RPP40: variants seen among roughly 807,000 people sequenced by gnomAD.
The protein encoded by RPP40 is ribonuclease P/MRP subunit p40.
A neutral mutation model predicts 42.5 loss-of-function variants in RPP40; 30 were observed. The observed-to-expected ratio is 0.71, with a 90% confidence interval of 0.53 to 0.96. RPP40 has a LOEUF of 0.96. Ranked by LOEUF, RPP40 falls within the 40% of genes least tolerant of loss-of-function variation. RPP40 has a pLI of 0.00. For synonymous variants in RPP40, 173 were observed against 164.0 expected, an observed-to-expected ratio of 1.05 and a Z score of -0.42; for missense variants, 426 against 433.5, an observed-to-expected ratio of 0.98 and a Z score of 0.15.
At position 4,996,122 on chromosome 6, in the gene RPP40, A is replaced by G. The variant is rs141582732; in HGVS notation, c.759-37T>C. On this transcript the variant is annotated intron_variant, in intron 6 of 7. Coordinates refer to ENST00000380051, the MANE Select transcript of RPP40 (RefSeq NM_006638.4). ...AAAATAAAAGAGAGAGAGATAACAC[A>G]TGTATATCCATCACATGATCACTTC... 189 of 1,610,348 alleles carry G rather than the reference A, an allele frequency of 1.2e-4. No homozygotes were observed. In the African/African-American group the frequency reaches 2.3e-3, roughly 20 times the overall value.
chr6:4,999,939 AAACTAG>A (rs775238223), intron 3 of RPP40, 35 bp from the exon 4 acceptor site: 71 of 1,274,746 alleles, frequency 5.6e-5, no homozygotes, highest in Admixed American at 1.8e-5. Flanking sequence ...TAAGATACCA[AAACTAG>A]AACTTACGTT....
downstream of RPP40, among the ~76,000 whole-genome samples, chr6:4,991,239 G>A (rs369447718): frequency 5.2e-4 from 79 of 151,808 alleles, 1 homozygote; most frequent in South Asian, 0.016. Flanking sequence ...ATTTAATTCC[G>A]TTGTGGCCAG....
chr6:5,000,824 G>A (rs1759530131), intron 2 of RPP40, among the ~76,000 whole-genome samples, 193 bp from the exon 3 acceptor site: 1 of 151,852 alleles, frequency 6.6e-6, no homozygotes. Flanking sequence ...GCATGCAGAA[G>A]ACCAAGCATG....
In RPP40 at chr6:5,000,512, G is replaced by C. The variant is rs760106054; in HGVS notation, c.337+51C>G. The C allele has an allele frequency of 7.2e-6, 6 of 836,550 alleles. No homozygotes were observed. In the East Asian group the frequency reaches 1.7e-4, roughly 24 times the overall value. 51.8% of individuals were successfully genotyped at this position (836,550 alleles called of 1,614,324 possible). On this transcript the variant is annotated intron_variant, in intron 3 of 7. Transcript: ENST00000380051. ...TGACTTTTTTTTTTTTTTTTTTACA[G>C]TATGCATTTTTTTTTAACAATTAAA...
rs1759391394 is a variant in RPP40, at chr6:4,996,564, C to A, written c.560-144G>T. 9.9e-6 allele frequency: 7 copies of A among 705,086 alleles called. No individual in the cohort carries two copies. The South Asian group carries it at 1.1e-4, about 11-fold the overall frequency. 43.7% of individuals were successfully genotyped at this position (705,086 alleles called of 1,614,324 possible). A position where few individuals can be genotyped will look rare whatever the true frequency, so the allele number is the denominator to read the frequency against. On this transcript the variant is annotated intron_variant, in intron 5 of 7. Transcript: ENST00000380051. ...TGCAGAGCTGCATTCAAATTAAAATCATTTAAAGCTGCTTTCAGCTCCTTT... is the reference window on the plus strand; with the variant it reads ...TGCAGAGCTGCATTCAAATTAAAATAATTTAAAGCTGCTTTCAGCTCCTTT...
intron 2 of RPP40, chr6:5,001,837 T>C: frequency 3.1e-6 from 1 of 323,466 alleles, no homozygotes; most frequent in Non-Finnish European, 5.7e-6. Flanking sequence ...TCCTCTCCAT[T>C]AATCCTCATT....
rs1357955684 is a variant in RPP40, at chr6:4,998,852, G to A, written c.434-11C>T. The stretch of plus-strand genomic sequence containing the variant: ...AATCAATGGAAACAACTTTAAAAAT[G>A]AAAAAAAGAACATATATTTCATTCA... On this transcript the variant is annotated splice_polypyrimidine_tract_variant and intron_variant, in intron 4 of 7. Transcript: ENST00000380051. The A allele has an allele frequency of 6.6e-6, 9 of 1,371,972 alleles. No homozygotes were observed. The East Asian group carries it at 7.3e-5, about 11-fold the overall frequency. The allele number at this position is 1,371,972 out of a possible 1,614,324, so 85.0% of individuals were successfully genotyped here.
intron 2 of RPP40, among the ~76,000 whole-genome samples, chr6:5,001,619 G>C (rs987206977): frequency 6.6e-6 from 1 of 152,176 alleles, no homozygotes; most frequent in Non-Finnish European, 1.5e-5. Context: ...GATATGGGTG[G>C]AAATGGGGTG....
In RPP40 at chr6:5,003,986, C is replaced by A. The variant is rs776679398; in HGVS notation, c.17G>T (p.Arg6Leu). MATLR[R>L]LREAPRHLLV... ...TAAGTGCCGCGGCGCCTCCCGAAGC[C>A]GGCGCAGCGTGGCCATGCTCTCCTG... is the stretch of plus-strand genomic sequence containing the variant. Residue 6 changes from arginine (R) to leucine (L), a missense_variant, in exon 1 of 8, where the codon CGG becomes CTG. Arg to Leu is a moderately radical substitution (Grantham distance 102). Transcript: ENST00000380051. The A allele has an allele frequency of 6.2e-7, 1 of 1,610,692 alleles. No individual in the cohort carries two copies. The highest frequency in any genetic ancestry group is 1.1e-5 in the South Asian group (1 of 90,998).
At chr6:4,993,205 G>A (rs1759284735), downstream of RPP40, among the ~76,000 whole-genome samples, 3 of 152,182 alleles carry the variant, frequency 2.0e-5, no homozygotes, top group Admixed American at 2.0e-4. Context: ...TTCTTGCAGT[G>A]CAGACCTGTG....
At chr6:4,993,307 A>C (rs541415041), downstream of RPP40, among the ~76,000 whole-genome samples, 37 of 152,274 alleles carry the variant, frequency 2.4e-4, no homozygotes, top group African/African-American at 8.9e-4. Context: ...TCTGCTGTTA[A>C]ACCAACCAGT....
downstream of RPP40, among the ~76,000 whole-genome samples, chr6:4,990,719 G>C (rs1277932050): frequency 6.7e-6 from 1 of 148,152 alleles, no homozygotes; most frequent in African/African-American, 2.5e-5. Context: ...GGCTTCAAGT[G>C]ATCCTCCCAC....
chr6:4,995,268 A>T lies in RPP40; in HGVS notation c.902T>A (p.Phe301Tyr). 1.2e-6 allele frequency: 2 copies of T among 1,610,114 alleles called. No homozygotes were observed. Among genetic ancestry groups the T allele is most frequent in the Non-Finnish European group, 1.7e-6 (2 of 1,177,652 alleles). ...CCATGGAGCTAACTTCGGTTCATCA[A>T]AGTAGTGACTGAAAAAAAGGTAGTT... Reference protein sequence around the residue: ...CLLLEHLCHYFDEPKLAPWVT... With the variant: ...CLLLEHLCHYYDEPKLAPWVT... The change falls in exon 8 of 8, where the codon TTT becomes TAT. Residue 301 changes from phenylalanine to tyrosine, a missense_variant. By Grantham distance (22) the Phe-to-Tyr change is conservative. Coordinates refer to ENST00000380051, the MANE Select transcript of RPP40 (RefSeq NM_006638.4).
intron 1 of RPP40, 70 bp downstream of exon 1, chr6:5,003,810 A>T (rs1759665059): frequency 2.0e-6 from 3 of 1,520,376 alleles, no homozygotes; most frequent in Non-Finnish European, 1.8e-6. Flanking sequence ...GAAGCCTAGC[A>T]CTCTCCCCAA....
At chr6:5,001,493 G>A (rs1375807343) in intron 2 of RPP40, among the ~76,000 whole-genome samples, 2 of 152,170 alleles carry the variant, frequency 1.3e-5, no homozygotes, top group African/African-American at 4.8e-5. Flanking sequence ...AGATAAGCAT[G>A]TGGCCACTGT....
intron 1 of RPP40, 40 bp downstream of exon 1, chr6:5,003,840 A>C: frequency 6.3e-7 from 1 of 1,585,478 alleles, no homozygotes; most frequent in Non-Finnish European, 8.6e-7. Context: ...GCACGCGGGG[A>C]CTGAGCACGG....
At chr6:5,002,786 T>C (rs1285528583) in intron 1 of RPP40, among the ~76,000 whole-genome samples, 1 of 152,230 alleles carries the variant, frequency 6.6e-6, no homozygotes, top group Admixed American at 6.5e-5. Flanking sequence ...CCCTGACTGC[T>C]GTGATGAGCT....
At chr6:4,989,356 G>C in the RPP40 span, among the ~76,000 whole-genome samples, 1 of 151,984 alleles carries the variant, frequency 6.6e-6, no homozygotes, top group Non-Finnish European at 1.5e-5. Flanking sequence ...AGTAATATTA[G>C]TCGTCTAACT....
downstream of RPP40, among the ~76,000 whole-genome samples, chr6:4,993,920 G>C (rs1759297194): frequency 6.6e-6 from 1 of 151,972 alleles, no homozygotes; most frequent in East Asian, 1.9e-4. Context: ...CCTTGGGCAG[G>C]CCCTGAGCTT....
Sources: gnomAD v4.1 joint callset for allele counts (sites outside exome capture counted in the v4.1 genomes callset) on GRCh38, gnomAD v4.1.1 for gene constraint, MANE v1.5 for transcripts, NCBI Gene and HGNC (gene_info 2026-07-23, HGNC 2026-07-21) for gene names.